RNFT2: variants seen among roughly 807,000 people sequenced by gnomAD.
RNFT2 encodes the protein E3 ubiquitin-protein ligase RNFT2.
Under a neutral mutation model 53.0 loss-of-function variants are expected in RNFT2, and 36 were observed. That is an observed-to-expected ratio of 0.68 (90% CI 0.52 to 0.90). The LOEUF (loss-of-function observed/expected upper bound fraction) is 0.90, where lower values mean the gene tolerates loss of function less well. Among genes scored for constraint, RNFT2 ranks in the 40% least tolerant of loss-of-function variants. RNFT2 has a pLI of 0.00. For synonymous variants in RNFT2, 260 were observed against 253.2 expected (o/e 1.03, Z -0.26); for missense variants, 514 against 585.6 (o/e 0.88, Z 1.26).
Position 116,850,620 on chromosome 12 carries a change from C to CTTTTTTCTTTTTTTTTTTTTT in RNFT2, c.*1178_*1179insCTTTTTTTTTTTTTTTTTTTT, listed in dbSNP as rs775478129. On this transcript the variant is annotated 3_prime_UTR_variant, in exon 11 of 11. Coordinates refer to ENST00000257575, the MANE Select transcript of RNFT2 (RefSeq NM_001382266.1). ...TGTGAAGTATTTTTTCTTTTCTTTTCTTTTTTTTTTTTTTTTTGTTGTTGT... is the reference window on the plus strand; with the variant it reads ...TGTGAAGTATTTTTTCTTTTCTTTTCTTTTTTCTTTTTTTTTTTTTTTTTTTTTTTTTTTTTTTGTTGTTGT... 1.5e-4 allele frequency: 20 copies of CTTTTTTCTTTTTTTTTTTTTT among 131,032 alleles called. No individual in the cohort carries two copies. The highest frequency in any genetic ancestry group is 2.6e-4 in the Non-Finnish European group (16 of 61,754). 8.1% of individuals were successfully genotyped at this position (131,032 alleles called of 1,614,324 possible). A position where few individuals can be genotyped will look rare whatever the true frequency, so the allele number is the denominator to read the frequency against.
chr12:116,844,003 G>A (rs1045026218), intron 10 of RNFT2, among the ~76,000 whole-genome samples: 1 of 152,330 alleles, frequency 6.6e-6, no homozygotes, highest in East Asian at 1.9e-4. Flanking sequence ...TAAGCATTTA[G>A]AACAGTGGTT....
intron 5 of RNFT2, among the ~76,000 whole-genome samples, chr12:116,762,143 C>T (rs1426840391): frequency 2.6e-5 from 4 of 151,508 alleles, no homozygotes. Flanking sequence ...TTTTGGGAGG[C>T]CAAGGCAGGT....
intron 4 of RNFT2, 35 bp from the exon 5 acceptor site, chr12:116,753,949 A>G (rs747948951): frequency 1.9e-6 from 3 of 1,582,404 alleles, no homozygotes; most frequent in Non-Finnish European, 2.6e-6. Flanking sequence ...TGATGAGTCT[A>G]AGTGGGTGAC....
At chr12:116,773,205 G>A (rs376649498) in intron 6 of RNFT2, among the ~76,000 whole-genome samples, 30 of 151,976 alleles carry the variant, frequency 2.0e-4, no homozygotes, top group Admixed American at 7.2e-4. Context: ...CAGGTGATCT[G>A]CCCGCCTTGG....
At position 116,750,006 on chromosome 12, in the gene RNFT2, C is replaced by T. The variant is rs1196711347; in HGVS notation, c.249C>T (p.Gly83=). The T allele has an allele frequency of 1.9e-6, 3 of 1,555,278 alleles. No individual in the cohort carries two copies. Among genetic ancestry groups the T allele is most frequent in the African/African-American group, 1.4e-5 (1 of 73,418 alleles). Residue 83 remains glycine (G), a synonymous_variant, in exon 4 of 11, where the codon GGC becomes GGT. Transcript: ENST00000257575. Reference sequence around the variant, plus strand: ...GCCTGGTGCTGGGCTCCTCGGCTGGCGGCGGGGACGTGTTCATCCAGATGC... The same window carrying T: ...GCCTGGTGCTGGGCTCCTCGGCTGGTGGCGGGGACGTGTTCATCCAGATGC... ...PSSLVLGSSA[G]GGDVFIQMPA...
At chr12:116,785,249 C>CTGTGTGTGTG (rs56185708) in intron 7 of RNFT2, among the ~76,000 whole-genome samples, 19,764 of 138,970 alleles carry the variant, frequency 0.14, 1,755 homozygotes, top group African/African-American at 0.24. Flanking sequence ...TTACCTACTT[C>CTGTGTGTGTG]TGTGTGTGTG....
At chr12:116,843,562 T>TCC (rs1041815734) in intron 10 of RNFT2, among the ~76,000 whole-genome samples, 27 of 149,250 alleles carry the variant, frequency 1.8e-4, no homozygotes, top group Non-Finnish European at 3.3e-4. Flanking sequence ...CCACCTGCCT[T>TCC]CCCCACTGCC....
At chr12:116,770,427 G>A (rs779904817) in intron 6 of RNFT2, among the ~76,000 whole-genome samples, 2 of 152,146 alleles carry the variant, frequency 1.3e-5, no homozygotes, top group Non-Finnish European at 2.9e-5. Flanking sequence ...CAAGGACCAG[G>A]TCACCTAAGG....
chr12:116,741,557 G>T (rs983236135), intron 3 of RNFT2, among the ~76,000 whole-genome samples: 4 of 152,144 alleles, frequency 2.6e-5, no homozygotes, highest in African/African-American at 9.7e-5. Context: ...ATCTCTCTGG[G>T]TCTCCTTTTT....
At position 116,787,656 on chromosome 12, in the gene RNFT2, G is replaced by A. The variant is rs150944853; in HGVS notation, c.882+8308G>A. Among the ~76,000 whole-genome samples the A allele has an allele frequency of 1.7e-3, 263 of 151,728 alleles. 3 individuals are homozygous for A. The highest frequency in any genetic ancestry group is 6.0e-3 in the African/African-American group (247 of 41,328). On this transcript the variant is annotated intron_variant, in intron 7 of 10. Transcript: ENST00000257575. ...ATTGAGCCCAGGAGTTGAGGTTGCA[G>A]TGAGCCATGATCATGTCACTACACT...
Position 116,833,907 on chromosome 12 carries a change from G to A in RNFT2, c.998G>A (p.Gly333Asp), listed in dbSNP as rs1378405383. Residue 333 changes from glycine (G) to aspartate (D), a missense_variant, in exon 8 of 11, where the codon GGC (glycine) becomes GAC (aspartate). Around this residue, in one of 3 missense-constraint regions of RNFT2, gnomAD observed 273 missense variants for 334.4 expected, o/e 0.82. Coordinates refer to ENST00000257575, the MANE Select transcript of RNFT2 (RefSeq NM_001382266.1). ...GDDSSNSYFL[G>D]GVLIVLYSLC... ...GACTCCTCCAACAGCTACTTCCTGGGCGGGGTCCTGATCGTTCTCTACAGC... is the reference window on the plus strand; with the variant it reads ...GACTCCTCCAACAGCTACTTCCTGGACGGGGTCCTGATCGTTCTCTACAGC... 2 of 1,612,656 alleles carry A rather than the reference G, an allele frequency of 1.2e-6. No homozygotes were observed. The highest frequency in any genetic ancestry group is 1.7e-6 in the Non-Finnish European group (2 of 1,179,422).
intron 6 of RNFT2, among the ~76,000 whole-genome samples, chr12:116,773,954 A>G (rs1873310899): frequency 6.6e-6 from 1 of 152,250 alleles, no homozygotes; most frequent in African/African-American, 2.4e-5. Flanking sequence ...ACAGTGGAAT[A>G]TTATTCAGCC....
intron 10 of RNFT2, among the ~76,000 whole-genome samples, chr12:116,837,132 G>C (rs1031854907): frequency 6.6e-6 from 1 of 152,078 alleles, no homozygotes; most frequent in Admixed American, 6.6e-5. Flanking sequence ...AGTGCTGGCC[G>C]GTTCCTTTTA....
chr12:116,836,312 G>A, intron 10 of RNFT2, 30 bp downstream of exon 10: 2 of 1,536,864 alleles, frequency 1.3e-6, no homozygotes, highest in Non-Finnish European at 1.8e-6. Flanking sequence ...GACCATTGGA[G>A]ACCAAGGCTG....
Position 116,831,693 on chromosome 12 carries a change from T to C in RNFT2, c.883-2099T>C, listed in dbSNP as rs576997197. On this transcript the variant is annotated intron_variant, in intron 7 of 10. Coordinates refer to ENST00000257575, the MANE Select transcript of RNFT2 (RefSeq NM_001382266.1). ...TTACAGATATGGATGCTTGGGGCAG[T>C]GTTGTTTGTTTGATTTTATCAGCTT... Among the ~76,000 whole-genome samples, 8 of 152,260 alleles carry C rather than the reference T, an allele frequency of 5.3e-5. No homozygotes were observed. In the South Asian group the frequency reaches 1.0e-3, roughly 20 times the overall value.
At chr12:116,794,689 AG>A (rs1874418740) in intron 7 of RNFT2, among the ~76,000 whole-genome samples, 1 of 70,148 alleles carries the variant, frequency 1.4e-5, no homozygotes, top group Non-Finnish European at 2.6e-5. Context: ...GGAGGGAGGG[AG>A]GGAAGGGAAG....
chr12:116,760,035 G>A (rs1872638046), intron 5 of RNFT2, among the ~76,000 whole-genome samples: 1 of 152,118 alleles, frequency 6.6e-6, no homozygotes, highest in Non-Finnish European at 1.5e-5. Context: ...CTTGCTATGG[G>A]TTAAGTAGAT....
chr12:116,808,021 G>T (rs79666868), intron 7 of RNFT2, among the ~76,000 whole-genome samples: 9,179 of 151,572 alleles, frequency 0.061, 673 homozygotes, highest in African/African-American at 0.17. Context: ...CAGGCTGGAG[G>T]GCAATGGCAC....
At chr12:116,794,684 G>GAGGGAGGGAGGGAGGA (rs2137140311) in intron 7 of RNFT2, among the ~76,000 whole-genome samples, 1 of 116,398 alleles carries the variant, frequency 8.6e-6, no homozygotes, top group South Asian at 3.8e-4. Context: ...GGGAGGGAGG[G>GAGGGAGGGAGGGAGGA]AGGGAGGGAA....
Sources: gnomAD v4.1 joint callset for allele counts (sites outside exome capture counted in the v4.1 genomes callset) on GRCh38, gnomAD v4.1.1 for gene constraint, gnomAD v4.1.1 regional missense constraint, MANE v1.5 for transcripts, NCBI Gene and HGNC (gene_info 2026-07-23, HGNC 2026-07-21) for gene names.